COL21A1: variants seen among roughly 807,000 people sequenced by gnomAD.
COL21A1 encodes collagen alpha-1(XXI) chain.
A neutral mutation model predicts 137.9 loss-of-function variants in COL21A1; 149 were observed. That is an observed-to-expected ratio of 1.08 (90% CI 0.95 to 1.24). The LOEUF (loss-of-function observed/expected upper bound fraction) is 1.24. Among genes scored for constraint, COL21A1 ranks in the 50% most tolerant of loss-of-function variants. The pLI is 0.00. For missense variants in COL21A1, 1,167 were observed against 1,158.4 expected (o/e 1.01, Z -0.11); for synonymous variants, 456 against 391.5 (o/e 1.16, Z -1.95).
At position 56,069,106 on chromosome 6, in the gene COL21A1, T is replaced by C. The variant is rs1766513941; in HGVS notation, c.2031A>G (p.Gly677=). ...PGASGLKGEP[G]ATGSPGEPGY... ...CTGGTTCTCCTGGGGAACCCGTTGCTCCTGGTTCTCCCTATGTAACACAGA... is the reference window on the plus strand; with the variant it reads ...CTGGTTCTCCTGGGGAACCCGTTGCCCCTGGTTCTCCCTATGTAACACAGA... Residue 677 remains glycine, a synonymous_variant, in exon 22 of 30, where the codon GGA becomes GGG. Transcript: ENST00000244728. The C allele has an allele frequency of 6.3e-7, 1 of 1,598,154 alleles. No individual in the cohort carries two copies. The highest frequency in any genetic ancestry group is 1.3e-5 in the African/African-American group (1 of 74,238).
At chr6:56,283,033 T>C (rs1403603060) in intron 1 of COL21A1, among the ~76,000 whole-genome samples, 1 of 152,210 alleles carries the variant, frequency 6.6e-6, no homozygotes, top group Non-Finnish European at 1.5e-5. Context: ...TGAGATGTTA[T>C]AGAAATATGT....
At chr6:56,075,679 G>A in intron 18 of COL21A1, 147 bp from the exon 19 acceptor site, 1 of 579,836 alleles carries the variant, frequency 1.7e-6, no homozygotes, top group East Asian at 3.1e-5. Flanking sequence ...TAAGGAAGGA[G>A]CAAGGCCTTA....
At chr6:56,059,266 TAA>T (rs1201524903) in intron 28 of COL21A1, 24 bp from the exon 29 acceptor site, 2 of 1,511,138 alleles carry the variant, frequency 1.3e-6, no homozygotes, top group Admixed American at 4.3e-5. Context: ...AACATCTGAG[TAA>T]GTTTACTTAA....
intron 17 of COL21A1, among the ~76,000 whole-genome samples, chr6:56,082,658 A>AT (rs138466411): frequency 0.15 from 23,047 of 151,490 alleles, 1,758 homozygotes; most frequent in Middle Eastern, 0.22. Flanking sequence ...AAATTCTACT[A>AT]TTTTTTTTGA....
At chr6:56,077,001 C>T (rs962596723) in intron 18 of COL21A1, among the ~76,000 whole-genome samples, 1 of 151,128 alleles carries the variant, frequency 6.6e-6, no homozygotes, top group Non-Finnish European at 1.5e-5. Flanking sequence ...AGATCACTTA[C>T]AAAAGAATGA....
chr6:56,325,232 G>A (rs1471293213), intron 1 of COL21A1, among the ~76,000 whole-genome samples: 5 of 7,080 alleles, frequency 7.1e-4, no homozygotes, highest in African/African-American at 1.4e-3. Flanking sequence ...AACCTAAGAT[G>A]AGGAAAAGAT....
chr6:56,383,359 T>A (rs1256300294), intron 1 of COL21A1, among the ~76,000 whole-genome samples: 1 of 152,212 alleles, frequency 6.6e-6, no homozygotes, highest in Non-Finnish European at 1.5e-5. Flanking sequence ...ACTATCATAC[T>A]GGGATTAAGG....
At chr6:56,152,007 T>C (rs1314447496) in intron 10 of COL21A1, among the ~76,000 whole-genome samples, 1 of 152,234 alleles carries the variant, frequency 6.6e-6, no homozygotes, top group Non-Finnish European at 1.5e-5. Context: ...TTTGGGCTGA[T>C]GTATCAGTTT....
chr6:56,308,587 A>G (rs1764526437), intron 1 of COL21A1, among the ~76,000 whole-genome samples: 1 of 152,252 alleles, frequency 6.6e-6, no homozygotes, highest in Non-Finnish European at 1.5e-5. Flanking sequence ...TGGGAAATGC[A>G]AAGTTGCTAC....
chr6:56,167,854 T>C (rs1776711325), intron 6 of COL21A1, among the ~76,000 whole-genome samples: 1 of 152,164 alleles, frequency 6.6e-6, no homozygotes, highest in South Asian at 2.1e-4. Context: ...TTGGGAAACA[T>C]GAAATTAATG....
Position 56,164,521 on chromosome 6 carries a change from A to G in COL21A1, c.1288-15T>C, listed in dbSNP as rs749599278. On this transcript the variant is annotated splice_polypyrimidine_tract_variant and intron_variant, in intron 8 of 29. Coordinates refer to ENST00000244728, the MANE Select transcript of COL21A1 (RefSeq NM_030820.4). Reference sequence around the variant, plus strand: ...CCATTAAGGCACTATAAAGACAAAAATGGAAACAGACAACAAGCATGGAAA... The same window carrying G: ...CCATTAAGGCACTATAAAGACAAAAGTGGAAACAGACAACAAGCATGGAAA... The G allele has an allele frequency of 6.5e-7, 1 of 1,533,910 alleles. No individual in the cohort carries two copies. The highest frequency in any genetic ancestry group is 1.2e-5 in the South Asian group (1 of 84,608).
intron 20 of COL21A1, among the ~76,000 whole-genome samples, chr6:56,071,106 G>A (rs190650459): frequency 3.3e-5 from 5 of 151,546 alleles, no homozygotes; most frequent in Admixed American, 3.3e-4. Flanking sequence ...CATTGCACAG[G>A]TGGGAGACAT....
chr6:56,267,979 C>G (rs183265173), intron 1 of COL21A1, among the ~76,000 whole-genome samples: 132 of 152,252 alleles, frequency 8.7e-4, no homozygotes, highest in African/African-American at 3.1e-3. Context: ...TGAGTACTTT[C>G]CCAGTGGCCT....
intron 16 of COL21A1, among the ~76,000 whole-genome samples, chr6:56,106,692 GA>G (rs930781784): frequency 9.9e-5 from 15 of 150,798 alleles, no homozygotes; most frequent in African/African-American, 3.4e-4. Flanking sequence ...AGAACAAAAA[GA>G]AAAAAATAAT....
intron 1 of COL21A1, among the ~76,000 whole-genome samples, chr6:56,210,633 A>T (rs747353296): frequency 2.0e-5 from 3 of 152,186 alleles, no homozygotes; most frequent in Non-Finnish European, 4.4e-5. Context: ...AGAATAAGAC[A>T]TATATTCCTC....
At chr6:56,289,234 G>A (rs1763982564) in intron 1 of COL21A1, among the ~76,000 whole-genome samples, 1 of 152,162 alleles carries the variant, frequency 6.6e-6, no homozygotes, top group Non-Finnish European at 1.5e-5. Context: ...CATGCTAGCA[G>A]CTAAAAGAAA....
chr6:56,130,241 A>C (rs1486191970), intron 12 of COL21A1, among the ~76,000 whole-genome samples: 2 of 143,484 alleles, frequency 1.4e-5, no homozygotes, highest in Non-Finnish European at 3.0e-5. Flanking sequence ...TATAATTTAA[A>C]ATTTGAAATT....
At chr6:56,303,604 T>C (rs1480991174) in intron 1 of COL21A1, among the ~76,000 whole-genome samples, 2 of 152,230 alleles carry the variant, frequency 1.3e-5, no homozygotes, top group Non-Finnish European at 2.9e-5. Flanking sequence ...TTTGCTGAAG[T>C]TGCCTATCAG....
chr6:56,222,479 T>C (rs968587141), intron 1 of COL21A1, among the ~76,000 whole-genome samples: 1 of 152,148 alleles, frequency 6.6e-6, no homozygotes, highest in Non-Finnish European at 1.5e-5. Context: ...AAAATTGTTA[T>C]ATAAGTCTTT....
Sources: gnomAD v4.1 joint callset for allele counts (sites outside exome capture counted in the v4.1 genomes callset) on GRCh38, gnomAD v4.1.1 for gene constraint, MANE v1.5 for transcripts, NCBI Gene and HGNC (gene_info 2026-07-23, HGNC 2026-07-21) for gene names.